The following TIAM1 variants were observed in gnomAD, a reference collection of about 807,000 sequenced individuals.
TIAM1 encodes the protein rho guanine nucleotide exchange factor TIAM1.
In TIAM1, 65 loss-of-function variants were observed where a neutral mutation model predicts 163.5. That is an observed-to-expected ratio of 0.40 (90% confidence interval 0.33 to 0.49). The LOEUF (loss-of-function observed/expected upper bound fraction) is 0.49, where lower values mean the gene tolerates loss of function less well. Ranked by LOEUF, TIAM1 falls within the 20% of genes least tolerant of loss-of-function variation. The pLI, the probability that TIAM1 is intolerant of heterozygous loss-of-function variation, is 0.77. For missense variants in TIAM1, 1,789 were observed against 2,044.7 expected, an observed-to-expected ratio of 0.87 and a Z score of 2.41; for synonymous variants, 833 against 810.1, an observed-to-expected ratio of 1.03 and a Z score of -0.48.
chr21:31,202,819 C>T (rs947366270), intron 12 of TIAM1, 89 bp downstream of exon 12: 3 of 1,275,632 alleles, frequency 2.4e-6, no homozygotes, highest in African/African-American at 1.5e-5. Context: ...GAACTCGTTC[C>T]ACTCCACCAA....
Position 31,168,635 on chromosome 21 carries a change from C to T in TIAM1, c.2888-3570G>A, listed in dbSNP as rs372679523. 1.4e-4 allele frequency among the ~76,000 whole-genome samples: 22 copies of T among 152,268 alleles called. No individual in the cohort carries two copies. The East Asian group carries it at 2.1e-3, about 15-fold the overall frequency. ...CAGGATGGTCTCGATCTCCTAACCT[C>T]GTGATCCACCTGTCTTGGCCTCCCC... On this transcript the variant is annotated intron_variant, in intron 15 of 27. Coordinates refer to ENST00000541036, the MANE Select transcript of TIAM1 (RefSeq NM_001353694.2).
rs777976131 is a variant in TIAM1 at position 31,251,722 on chromosome 21, C to T, written c.1411+20G>A. ...TCTATTGGTGCATTTGGCACATAGC[C>T]GGGGCCCTCCCGCTCTCACCTTTCA... On this transcript the variant is annotated intron_variant, in intron 5 of 27. Transcript: ENST00000541036. The T allele has an allele frequency of 9.0e-6, 14 of 1,556,598 alleles. No homozygotes were observed. The highest frequency in any genetic ancestry group is 1.2e-5 in the Non-Finnish European group (14 of 1,146,618).
intron 2 of TIAM1, among the ~76,000 whole-genome samples, chr21:31,405,445 T>C (rs2077230719): frequency 6.6e-6 from 1 of 151,774 alleles, no homozygotes; most frequent in African/African-American, 2.4e-5. Flanking sequence ...CTGCCACTAA[T>C]CCCCCTTCCC....
chr21:31,149,441 T>C (rs538617978), intron 19 of TIAM1, among the ~76,000 whole-genome samples: 1 of 152,288 alleles, frequency 6.6e-6, no homozygotes, highest in South Asian at 2.1e-4. Flanking sequence ...GATTTTCAGA[T>C]TTGAGATGCT....
intron 2 of TIAM1, among the ~76,000 whole-genome samples, chr21:31,446,428 G>T (rs2044627354): frequency 6.6e-6 from 1 of 152,148 alleles, no homozygotes; most frequent in South Asian, 2.1e-4. Context: ...TCTGTCTCAT[G>T]CTAAGATTCA....
chr21:31,267,895 G>GC (rs1196619984), intron 3 of TIAM1, among the ~76,000 whole-genome samples: 1 of 152,036 alleles, frequency 6.6e-6, no homozygotes, highest in Non-Finnish European at 1.5e-5. Context: ...GCCTTCTGGG[G>GC]CCCCCCAGGT....
intron 4 of TIAM1, among the ~76,000 whole-genome samples, chr21:31,254,929 C>T (rs1486611641): frequency 2.0e-5 from 3 of 152,198 alleles, no homozygotes; most frequent in Non-Finnish European, 4.4e-5. Context: ...TAAGAGTTCA[C>T]TACATTGCCA....
intron 1 of TIAM1, among the ~76,000 whole-genome samples, chr21:31,488,231 G>A (rs1233476982): frequency 6.6e-6 from 1 of 152,158 alleles, no homozygotes. Context: ...GTACTCCAGG[G>A]AGCTTTACAA....
intron 9 of TIAM1, among the ~76,000 whole-genome samples, chr21:31,214,433 T>C (rs1453480529): frequency 6.6e-6 from 1 of 152,134 alleles, no homozygotes; most frequent in Admixed American, 6.5e-5. Flanking sequence ...CAATGAAGCA[T>C]TTCTCCTATA....
At position 31,499,918 on chromosome 21, in the gene TIAM1, A is replaced by C. The variant is rs1174135704; in HGVS notation, c.-421-35883T>G. On this transcript the variant is annotated intron_variant, in intron 1 of 28. Coordinates refer to the TIAM1 transcript ENST00000286827. The stretch of plus-strand genomic sequence containing the variant: ...TGCAGTGGCTCACGCCTGTAATCCC[A>C]GCACTTTGGGAGGTCAAGGCGGCAA... Among the ~76,000 whole-genome samples the C allele has an allele frequency of 4.0e-5, 6 of 151,828 alleles. No homozygotes were observed. The East Asian group carries it at 9.7e-4, about 25-fold the overall frequency.
chr21:31,471,330 C>T (rs2045733628), intron 1 of TIAM1, among the ~76,000 whole-genome samples: 1 of 152,132 alleles, frequency 6.6e-6, no homozygotes, highest in Non-Finnish European at 1.5e-5. Context: ...AGGCTCGGTT[C>T]CCCCCTTTAC....
At chr21:31,447,045 G>A (rs919956276) in intron 2 of TIAM1, among the ~76,000 whole-genome samples, 3 of 151,950 alleles carry the variant, frequency 2.0e-5, no homozygotes, top group South Asian at 2.1e-4. Flanking sequence ...CAATTATTAC[G>A]GCCATTGTGG....
At chr21:31,213,495 T>A (rs1392591845) in intron 9 of TIAM1, 23 bp from the exon 10 acceptor site, 1 of 1,611,814 alleles carries the variant, frequency 6.2e-7, no homozygotes. Flanking sequence ...AAGTACCACC[T>A]TAAAAAGGAA....
At chr21:31,410,507 G>A (rs1449495164) in intron 2 of TIAM1, among the ~76,000 whole-genome samples, 1 of 8,862 alleles carries the variant, frequency 1.1e-4, no homozygotes, top group Admixed American at 1.4e-3. Flanking sequence ...TAGTGTGTAT[G>A]TGTATGTGAG....
intron 1 of TIAM1, among the ~76,000 whole-genome samples, chr21:31,540,673 A>C (rs2048293938): frequency 1.3e-5 from 2 of 152,246 alleles, no homozygotes; most frequent in South Asian, 4.1e-4. Flanking sequence ...GGACCTCAGA[A>C]ACAACATCTC....
chr21:31,146,403 CAA>C lies in TIAM1; in HGVS notation c.3475+490_3475+491del, dbSNP rs10542614. 3.8e-3 allele frequency among the ~76,000 whole-genome samples: 341 copies of C among 89,902 alleles called. 6 individuals are homozygous for C. The South Asian group carries it at 0.04, about 10-fold the overall frequency. 59.0% of individuals were successfully genotyped at this position (89,902 alleles called of 152,430 possible). On this transcript the variant is annotated intron_variant, in intron 20 of 27. Transcript: ENST00000541036. ...CAAGTGACAGAGCAAGGCTCTGTGT[CAA>C]AAAAAAAAAAAAAAAAAAAACAAGG...
chr21:31,118,547 G>C lies in TIAM1; in HGVS notation c.*1821C>G, dbSNP rs939360492. On this transcript the variant is annotated 3_prime_UTR_variant, in exon 28 of 28. Coordinates refer to ENST00000541036, the MANE Select transcript of TIAM1 (RefSeq NM_001353694.2). ...AGAACTTTTGACATAGACACGTCAT[G>C]ACCTTATGTACAAGAGACAATGGCA... 2 of 470,492 alleles carry C rather than the reference G, an allele frequency of 4.3e-6. No homozygotes were observed. The highest frequency in any genetic ancestry group is 4.7e-5 in the Admixed American group (2 of 42,258). 29.1% of individuals were successfully genotyped at this position (470,492 alleles called of 1,614,324 possible). A position where few individuals can be genotyped will look rare whatever the true frequency, so the allele number is the denominator to read the frequency against.
rs1342764891 is a variant in TIAM1 at position 31,213,435 on chromosome 21, A to G, written c.2180T>C (p.Leu727Ser). The G allele has an allele frequency of 1.2e-6, 2 of 1,612,722 alleles. No individual in the cohort carries two copies. Among genetic ancestry groups the G allele is most frequent in the South Asian group, 1.1e-5 (1 of 90,712 alleles). The change falls in exon 10 of 28, where the codon TTA (leucine) becomes TCA (serine). Residue 727 changes from leucine to serine, a missense_variant. Physicochemically the swap from Leu to Ser is moderately radical, Grantham distance 145 (BLOSUM62 -2). This residue lies in a region of TIAM1 where 456 missense variants were observed against 586.6 expected (regional missense o/e 0.78). Transcript: ENST00000541036. The stretch of plus-strand genomic sequence containing the variant: ...AACAATGTCATCAAATATTCCCTCT[A>G]AAGATTTCTTTACAGCTTCGGTTCC... ...GEGTEAVKKS[L>S]EGIFDDIVPD...
At chr21:31,485,486 G>A (rs1056349184) in intron 1 of TIAM1, among the ~76,000 whole-genome samples, 1 of 152,214 alleles carries the variant, frequency 6.6e-6, no homozygotes, top group Admixed American at 6.5e-5. Flanking sequence ...GCCTGAGAGT[G>A]TGGAGAGAGG....
Sources: allele counts gnomAD v4.1 joint callset (sites outside exome capture counted in the v4.1 genomes callset), GRCh38; gene constraint gnomAD v4.1.1; regional missense constraint gnomAD v4.1.1; transcripts MANE v1.5; gene names NCBI Gene and HGNC (gene_info 2026-07-23, HGNC 2026-07-21).